EPCIP: variants seen among roughly 807,000 people sequenced by gnomAD.
The protein encoded by EPCIP is exosomal polycystin-1-interacting protein.
the EPCIP span, among the ~76,000 whole-genome samples, chr21:32,809,274 T>TC: frequency 0.14 from 14,286 of 99,136 alleles, 2,472 homozygotes; most frequent in East Asian, 0.18. Context: ...CTTCCCTCCC[T>TC]CCTTCCTTTC....
At chr21:32,795,367 A>C in the EPCIP span, among the ~76,000 whole-genome samples, 2 of 152,242 alleles carry the variant, frequency 1.3e-5, no homozygotes, top group African/African-American at 4.8e-5. Flanking sequence ...AAAGCCCTAC[A>C]GTGTCTGGCA....
chr21:32,804,001 T>C, the EPCIP span, among the ~76,000 whole-genome samples: 8 of 152,220 alleles, frequency 5.3e-5, no homozygotes, highest in Non-Finnish European at 4.4e-5. Context: ...GGATCTAAAC[T>C]ATATGCTCTC....
chr21:32,810,693 T>A, the EPCIP span: 433 of 471,290 alleles, frequency 9.2e-4, 9 homozygotes, highest in East Asian at 0.025. Context: ...GATGGTGAAC[T>A]GAGATACGTC....
chr21:32,805,303 C>T, the EPCIP span, among the ~76,000 whole-genome samples: 6 of 152,052 alleles, frequency 3.9e-5, no homozygotes, highest in Non-Finnish European at 7.4e-5. Flanking sequence ...CTTCTGACCT[C>T]CAGAAGTGTA....
the EPCIP span, among the ~76,000 whole-genome samples, chr21:32,796,520 G>A: frequency 6.6e-6 from 1 of 152,230 alleles, no homozygotes; most frequent in African/African-American, 2.4e-5. Flanking sequence ...AGGCGGTTTA[G>A]AGTGCTTTGT....
At chr21:32,805,493 C>G in the EPCIP span, among the ~76,000 whole-genome samples, 3 of 152,032 alleles carry the variant, frequency 2.0e-5, no homozygotes, top group African/African-American at 7.3e-5. Context: ...TCCTGAATAG[C>G]TGGGATTACA....
At chr21:32,800,307 A>G in the EPCIP span, among the ~76,000 whole-genome samples, 1 of 152,240 alleles carries the variant, frequency 6.6e-6, no homozygotes. Flanking sequence ...ATCTGTGTGG[A>G]ATTTGTTTTG....
the EPCIP span, chr21:32,796,992 A>G: frequency 2.4e-6 from 1 of 408,278 alleles, no homozygotes; most frequent in African/African-American, 2.6e-5. Flanking sequence ...CAGAAGAGAA[A>G]AGGATATTGG....
chr21:32,799,849 C>T, the EPCIP span, among the ~76,000 whole-genome samples: 21 of 152,134 alleles, frequency 1.4e-4, no homozygotes, highest in Admixed American at 9.2e-4. Context: ...GGCTGAGGCA[C>T]GAGAATTCCT....
chr21:32,805,811 A>G, the EPCIP span, among the ~76,000 whole-genome samples: 1 of 152,198 alleles, frequency 6.6e-6, no homozygotes, highest in Non-Finnish European at 1.5e-5. Flanking sequence ...TATGTGGTTT[A>G]TTCCTCTCAT....
the EPCIP span, among the ~76,000 whole-genome samples, chr21:32,799,949 TAATAA>T: frequency 6.6e-6 from 1 of 152,202 alleles, no homozygotes; most frequent in African/African-American, 2.4e-5. Flanking sequence ...CTATCTCAAA[TAATAA>T]AATAAAAACC....
chr21:32,809,024 C>T, the EPCIP span, among the ~76,000 whole-genome samples: 1 of 151,954 alleles, frequency 6.6e-6, no homozygotes, highest in Non-Finnish European at 1.5e-5. Context: ...CTTCAGACCT[C>T]CTGGCCACAG....
the EPCIP span, among the ~76,000 whole-genome samples, chr21:32,800,605 CAGG>C: frequency 6.6e-6 from 1 of 152,158 alleles, no homozygotes; most frequent in Non-Finnish European, 1.5e-5. Flanking sequence ...ATCACGAGGT[CAGG>C]AGTTCGAGAC....
At chr21:32,803,610 A>G in the EPCIP span, among the ~76,000 whole-genome samples, 1 of 147,026 alleles carries the variant, frequency 6.8e-6, no homozygotes, top group East Asian at 2.0e-4. Context: ...GCACTGCAGG[A>G]GATAGGTTAG....
the EPCIP span, among the ~76,000 whole-genome samples, chr21:32,805,959 C>T: frequency 6.6e-6 from 1 of 152,052 alleles, no homozygotes; most frequent in East Asian, 1.9e-4. Flanking sequence ...GAACCATCTT[C>T]AGGTGGTTAA....
At chr21:32,812,307 C>T in the EPCIP span, among the ~76,000 whole-genome samples, 2 of 152,286 alleles carry the variant, frequency 1.3e-5, no homozygotes, top group Non-Finnish European at 2.9e-5. Flanking sequence ...GCACAGCTGC[C>T]CCTTGGTCCC....
At chr21:32,793,679 A>G in the EPCIP span, 3 of 1,274,866 alleles carry the variant, frequency 2.4e-6, no homozygotes, top group South Asian at 1.2e-5. Flanking sequence ...AGGGATACCT[A>G]TCTCACGGCC....
At chr21:32,809,485 A>G in the EPCIP span, among the ~76,000 whole-genome samples, 1 of 151,176 alleles carries the variant, frequency 6.6e-6, no homozygotes, top group African/African-American at 2.4e-5. Context: ...CAAGCCTCCC[A>G]ACCTCAGCCT....
chr21:32,803,245 G>T, the EPCIP span, among the ~76,000 whole-genome samples: 1 of 152,158 alleles, frequency 6.6e-6, no homozygotes, highest in Non-Finnish European at 1.5e-5. Context: ...GCCTTAATCG[G>T]AATTTAAACT....
Sources: allele counts gnomAD v4.1 joint callset (sites outside exome capture counted in the v4.1 genomes callset), GRCh38; gene constraint gnomAD v4.1.1; transcripts MANE v1.5; gene names NCBI Gene and HGNC (gene_info 2026-07-23, HGNC 2026-07-21).